TMEM164: variants seen among roughly 807,000 people sequenced by gnomAD.
TMEM164 encodes RP13-360B22.2.
Under a neutral mutation model 18.8 loss-of-function variants are expected in TMEM164, and 4 were observed. The ratio of observed to expected loss-of-function variants is 0.21; its 90% CI spans 0.10 to 0.49. TMEM164 has a LOEUF of 0.49. Among genes scored for constraint, TMEM164 ranks in the 20% least tolerant of loss-of-function variants. The probability of loss-of-function intolerance (pLI) is 0.98; values close to 1 mark genes in which losing one functional copy is unlikely to be tolerated. For missense variants in TMEM164, 108 were observed against 239.9 expected (o/e 0.45, Z 3.63); for synonymous variants, 86 against 101.7 (o/e 0.85, Z 0.93).
chrX:110,039,477 C>T (rs901257275), intron 2 of TMEM164, among the ~76,000 whole-genome samples: 1 of 112,611 alleles, frequency 8.9e-6, no homozygotes, highest in African/African-American at 3.2e-5. Context: ...AAGCAATTGC[C>T]ACCCTGTTGG....
chrX:110,177,501 A>G lies in TMEM164; in HGVS notation c.*4050A>G, dbSNP rs993210908. ...CTCCCTAAACAGCAGCAGGCTTAGG[A>G]TTTTTGTCAGGCTGGTTCTTGCGTG... On this transcript the variant is annotated 3_prime_UTR_variant, in exon 7 of 7. Coordinates refer to ENST00000372068, the MANE Select transcript of TMEM164 (RefSeq NM_032227.4). 1 of 112,017 alleles carries G rather than the reference A, an allele frequency of 8.9e-6. No homozygotes were observed. The highest frequency in any genetic ancestry group is 3.2e-5 in the African/African-American group (1 of 30,784). The allele number at this position is 112,017 out of a possible 1,213,427, so 9.2% of individuals were successfully genotyped here. A position where few individuals can be genotyped will look rare whatever the true frequency, so the allele number is the denominator to read the frequency against.
rs548337497 is a variant in TMEM164, at chrX:110,135,881, A to T, written c.508-8917A>T. 2.7e-4 allele frequency among the ~76,000 whole-genome samples: 30 copies of T among 111,923 alleles called. No homozygotes were observed. The South Asian group carries it at 0.011, about 41-fold the overall frequency. ...AGTACTTCAGCCTGCAGCTCCTAAG[A>T]CTAAGGACATTCTCTCGTATAACTA... On this transcript the variant is annotated intron_variant, in intron 4 of 6. Transcript: ENST00000372068.
rs1044243292 is a variant in TMEM164 at position 110,176,879 on chromosome X, A to G, written c.*3428A>G. ...GGAGGTAGGGGAGGAGGAAAAAAGGACCATGTGTGATGCTGTTAGACAAGA... is the reference window on the plus strand; with the variant it reads ...GGAGGTAGGGGAGGAGGAAAAAAGGGCCATGTGTGATGCTGTTAGACAAGA... On this transcript the variant is annotated 3_prime_UTR_variant, in exon 7 of 7. Transcript: ENST00000372068. 1 of 112,451 alleles carries G rather than the reference A, an allele frequency of 8.9e-6. No homozygotes were observed. The highest frequency in any genetic ancestry group is 1.9e-5 in the Non-Finnish European group (1 of 53,252). The allele number at this position is 112,451 out of a possible 1,213,427, so 9.3% of individuals were successfully genotyped here.
chrX:110,005,711 A>C (rs892711444), intron 2 of TMEM164, among the ~76,000 whole-genome samples: 1 of 111,754 alleles, frequency 8.9e-6, no homozygotes, highest in Non-Finnish European at 1.9e-5. Flanking sequence ...CTTCTGTGTA[A>C]ATTTGAGCCA....
At chrX:110,117,477 G>A (rs1343948821) in intron 4 of TMEM164, among the ~76,000 whole-genome samples, 1 of 111,974 alleles carries the variant, frequency 8.9e-6, no homozygotes, top group Non-Finnish European at 1.9e-5. Flanking sequence ...GACTTGAAAT[G>A]TTTCTAACAC....
chrX:110,055,584 T>C (rs1293914249), intron 2 of TMEM164, among the ~76,000 whole-genome samples: 1 of 111,892 alleles, frequency 8.9e-6, no homozygotes, highest in African/African-American at 3.2e-5. Context: ...GGGAGAATTA[T>C]CTTCTCTGTA....
chrX:110,002,876 A>C (rs1005286217), upstream of TMEM164: 1 of 109,858 alleles, frequency 9.1e-6, no homozygotes, highest in Non-Finnish European at 1.9e-5. Flanking sequence ...GCTTTAGTCC[A>C]GGGGCCGGCT....
At chrX:110,092,024 T>C (rs1044529560) in intron 3 of TMEM164, among the ~76,000 whole-genome samples, 2 of 111,808 alleles carry the variant, frequency 1.8e-5, no homozygotes, top group Non-Finnish European at 3.8e-5. Context: ...GTTGTAGATG[T>C]GTGGTGCTAT....
At chrX:110,143,116 C>T (rs1354884186) in intron 4 of TMEM164, among the ~76,000 whole-genome samples, 1 of 112,258 alleles carries the variant, frequency 8.9e-6, no homozygotes, top group Non-Finnish European at 1.9e-5. Context: ...GAGAGCTAAG[C>T]CTTCTTGGGA....
intron 2 of TMEM164, among the ~76,000 whole-genome samples, chrX:110,026,533 G>A (rs182549542): frequency 5.4e-5 from 6 of 111,310 alleles, no homozygotes; most frequent in Admixed American, 1.9e-4. Context: ...CCTCAGAGCC[G>A]TGGGTAATAG....
intron 3 of TMEM164, among the ~76,000 whole-genome samples, chrX:110,106,867 TC>T (rs1569331669): frequency 1.8e-5 from 2 of 111,726 alleles, no homozygotes. Flanking sequence ...TTTTTAGTAC[TC>T]CATTTGTCAG....
At chrX:110,084,695 G>A (rs1325912063) in intron 3 of TMEM164, among the ~76,000 whole-genome samples, 1 of 106,589 alleles carries the variant, frequency 9.4e-6, no homozygotes, top group Non-Finnish European at 1.9e-5. Context: ...TCTATTAAGA[G>A]GTTCATTTGT....
chrX:110,063,673 A>G (rs1202134292), intron 2 of TMEM164, among the ~76,000 whole-genome samples: 1 of 111,725 alleles, frequency 9.0e-6, no homozygotes, highest in Admixed American at 9.4e-5. Flanking sequence ...ACCAGCCAAA[A>G]AAGACCTCAG....
intron 2 of TMEM164, among the ~76,000 whole-genome samples, chrX:110,049,894 C>CT (rs1057387508): frequency 8.1e-5 from 9 of 110,970 alleles, no homozygotes; most frequent in African/African-American, 3.0e-4. Flanking sequence ...ATCAGGATGG[C>CT]TTTTTTTCTC....
intron 6 of TMEM164, among the ~76,000 whole-genome samples, chrX:110,172,330 G>A (rs750713782): frequency 3.6e-5 from 4 of 112,143 alleles, no homozygotes; most frequent in Non-Finnish European, 7.5e-5. Context: ...GGCAGGTGTC[G>A]CATGTCTGGT....
chrX:110,005,273 G>A (rs1423415508), intron 2 of TMEM164, among the ~76,000 whole-genome samples: 1 of 111,930 alleles, frequency 8.9e-6, no homozygotes, highest in Non-Finnish European at 1.9e-5. Context: ...GGCCTGGAGG[G>A]GTTTAGGAAT....
intron 4 of TMEM164, among the ~76,000 whole-genome samples, chrX:110,131,944 G>A (rs917199383): frequency 9.0e-6 from 1 of 111,656 alleles, no homozygotes; most frequent in African/African-American, 3.3e-5. Flanking sequence ...TGATGGCTAG[G>A]TAGTACCTAT....
rs184335078 is a variant in TMEM164, at chrX:110,109,074, C to T, written c.441-6C>T. Reference sequence around the variant, plus strand: ...TGACCTGAACTTTATCTTTCTCCCCCTCTAGGCTACAGATGCACATGTTGA... The same window carrying T: ...TGACCTGAACTTTATCTTTCTCCCCTTCTAGGCTACAGATGCACATGTTGA... On this transcript the variant is annotated splice_polypyrimidine_tract_variant and splice_region_variant and intron_variant, in intron 3 of 6. Coordinates refer to ENST00000372068, the MANE Select transcript of TMEM164 (RefSeq NM_032227.4). 4.0e-3 allele frequency: 4,785 copies of T among 1,207,845 alleles called. 9 individuals carry two copies. Among genetic ancestry groups the T allele is most frequent in the Middle Eastern group, 4.6e-3 (20 of 4,350 alleles).
intron 3 of TMEM164, among the ~76,000 whole-genome samples, chrX:110,096,671 G>T (rs1297027015): frequency 8.9e-6 from 1 of 112,119 alleles, no homozygotes; most frequent in East Asian, 2.8e-4. Flanking sequence ...TTCGGCTCAT[G>T]CTTCATGGGC....
Sources: allele counts gnomAD v4.1 joint callset (sites outside exome capture counted in the v4.1 genomes callset), GRCh38; gene constraint gnomAD v4.1.1; transcripts MANE v1.5; gene names NCBI Gene and HGNC (gene_info 2026-07-23, HGNC 2026-07-21).